The following LIMA1 variants were observed in gnomAD, a reference collection of about 807,000 sequenced individuals.
LIMA1 encodes the protein LIM domain and actin binding 1.
A neutral mutation model predicts 62.6 loss-of-function variants in LIMA1; 52 were observed. The observed-to-expected ratio is 0.83, with a 90% CI of 0.67 to 1.05. The LOEUF (loss-of-function observed/expected upper bound fraction) is 1.05, where lower values mean the gene tolerates loss of function less well. Among genes scored for constraint, LIMA1 ranks in the 50% least tolerant of loss-of-function variants. The pLI, the probability that LIMA1 is intolerant of heterozygous loss-of-function variation, is 0.00. For synonymous variants in LIMA1, 302 were observed against 317.8 expected, an observed-to-expected ratio of 0.95 and a Z score of 0.53; for missense variants, 780 against 902.2, an observed-to-expected ratio of 0.86 and a Z score of 1.74.
intron 4 of LIMA1, among the ~76,000 whole-genome samples, chr12:50,211,607 G>A (rs2138515020): frequency 6.6e-6 from 1 of 151,444 alleles, no homozygotes; most frequent in African/African-American, 2.4e-5. Flanking sequence ...ATTGTGCCCC[G>A]GCACTCCAGC....
intron 1 of LIMA1, among the ~76,000 whole-genome samples, chr12:50,274,232 T>C (rs934370565): frequency 2.6e-5 from 4 of 152,156 alleles, no homozygotes; most frequent in Non-Finnish European, 5.9e-5. Context: ...TCAACAAATA[T>C]TTATTTAGCA....
intron 3 of LIMA1, 127 bp downstream of exon 3, chr12:50,231,538 T>C: frequency 1.2e-6 from 1 of 849,478 alleles, no homozygotes; most frequent in Non-Finnish European, 2.0e-6. Context: ...GGCTCAGAGA[T>C]CACACCAGCT....
intron 4 of LIMA1, chr12:50,219,827 C>G (rs533719600): frequency 1.3e-5 from 2 of 151,804 alleles, no homozygotes; most frequent in Admixed American, 1.3e-4. Flanking sequence ...CTGGGACTAT[C>G]AATGCATACT....
intron 4 of LIMA1, among the ~76,000 whole-genome samples, chr12:50,209,413 T>C (rs1227354475): frequency 6.6e-6 from 1 of 151,586 alleles, no homozygotes; most frequent in Non-Finnish European, 1.5e-5. Context: ...CTACTAAATA[T>C]ACAAAAATTA....
At chr12:50,223,488 CAA>C (rs5798135) in intron 3 of LIMA1, among the ~76,000 whole-genome samples, 14 of 131,936 alleles carry the variant, frequency 1.1e-4, no homozygotes, top group Non-Finnish European at 1.3e-4. Context: ...ATCCCCCAAC[CAA>C]AAAAAAAAAA....
At chr12:50,219,053 G>C (rs185996901) in intron 4 of LIMA1, among the ~76,000 whole-genome samples, 20 of 152,268 alleles carry the variant, frequency 1.3e-4, no homozygotes, top group South Asian at 4.1e-4. Context: ...GTTAAAACGT[G>C]AAATATTAAG....
chr12:50,276,524 T>A (rs1373574702), intron 1 of LIMA1, among the ~76,000 whole-genome samples: 3 of 152,264 alleles, frequency 2.0e-5, no homozygotes, highest in African/African-American at 7.2e-5. Flanking sequence ...ATTTAACCAA[T>A]CTCTGGATGG....
intron 3 of LIMA1, among the ~76,000 whole-genome samples, chr12:50,230,700 C>T (rs984133854): frequency 6.6e-6 from 1 of 152,028 alleles, no homozygotes; most frequent in East Asian, 1.9e-4. Flanking sequence ...CCTCAGCCTC[C>T]CGAGTAGCTG....
At chr12:50,232,481 C>T (rs530704131) in intron 2 of LIMA1, among the ~76,000 whole-genome samples, 35 of 151,350 alleles carry the variant, frequency 2.3e-4, no homozygotes, top group African/African-American at 8.2e-4. Flanking sequence ...GTGATCCCAC[C>T]ACCTCATCCT....
At chr12:50,200,697 T>G in intron 7 of LIMA1, 80 bp downstream of exon 7, 2 of 1,448,344 alleles carry the variant, frequency 1.4e-6, no homozygotes, top group Non-Finnish European at 1.9e-6. Flanking sequence ...CAGCCTAGAG[T>G]TAGAGTTGTT....
chr12:50,250,108 G>C (rs926946911), intron 1 of LIMA1, among the ~76,000 whole-genome samples: 5 of 151,932 alleles, frequency 3.3e-5, no homozygotes, highest in African/African-American at 9.7e-5. Flanking sequence ...GGACCAGCCT[G>C]ACCAACATGG....
At position 50,200,888 on chromosome 12, in the gene LIMA1, C is replaced by A. The variant is rs768133057; in HGVS notation, c.865-4G>T. On this transcript the variant is annotated splice_region_variant and splice_polypyrimidine_tract_variant and intron_variant, in intron 6 of 10. Transcript: ENST00000341247. ...CACCACTGGCTTTCAGCTCATTCTACAAAATAAAAATAACTGTAAAAATTT... is the reference window on the plus strand; with the variant it reads ...CACCACTGGCTTTCAGCTCATTCTAAAAAATAAAAATAACTGTAAAAATTT... 6.2e-7 allele frequency: 1 copy of A among 1,611,956 alleles called. No individual in the cohort carries two copies. The highest frequency in any genetic ancestry group is 8.5e-7 in the Non-Finnish European group (1 of 1,179,468).
At chr12:50,212,843 C>A (rs778051694) in intron 4 of LIMA1, among the ~76,000 whole-genome samples, 18 of 151,918 alleles carry the variant, frequency 1.2e-4, no homozygotes, top group Non-Finnish European at 2.6e-4. Flanking sequence ...GAGACAAAGT[C>A]TTGCTCTGTC....
chr12:50,181,456 C>G (rs1247182855), intron 10 of LIMA1, among the ~76,000 whole-genome samples: 1 of 152,152 alleles, frequency 6.6e-6, no homozygotes, highest in African/African-American at 2.4e-5. Context: ...TATGTAACAA[C>G]TATTTTCTCA....
intron 3 of LIMA1, among the ~76,000 whole-genome samples, chr12:50,228,101 G>A (rs542750400): frequency 2.0e-5 from 3 of 151,916 alleles, no homozygotes; most frequent in Admixed American, 6.6e-5. Flanking sequence ...CTTGTGATCC[G>A]CCCGCCTCGG....
chr12:50,192,448 A>G lies in LIMA1; in HGVS notation c.1140+4T>C. ...AAAGGCTCAGAGAGAAATTGCCATC[A>G]TACCTTCATTGCTTTGGGAGGAGAA... On this transcript the variant is annotated splice_donor_region_variant and intron_variant, in intron 9 of 10. Transcript: ENST00000341247. The G allele has an allele frequency of 6.3e-7, 1 of 1,590,896 alleles. No homozygotes were observed. Among genetic ancestry groups the G allele is most frequent in the Non-Finnish European group, 8.6e-7 (1 of 1,158,840 alleles).
intron 2 of LIMA1, among the ~76,000 whole-genome samples, chr12:50,244,110 AT>A (rs1941815049): frequency 7.6e-6 from 1 of 131,902 alleles, no homozygotes. Flanking sequence ...TATTATTATT[AT>A]TTTTTGAGAC....
chr12:50,183,591 T>C (rs1477545419), intron 9 of LIMA1, among the ~76,000 whole-genome samples: 1 of 151,884 alleles, frequency 6.6e-6, no homozygotes, highest in Middle Eastern at 3.2e-3. Flanking sequence ...GGTAGGCAGA[T>C]CACGAGGTCA....
Position 50,244,185 on chromosome 12 carries a change from G to GC in LIMA1, c.119+4447dup, listed in dbSNP as rs957381236. Among the ~76,000 whole-genome samples the GC allele has an allele frequency of 6.6e-5, 10 of 152,010 alleles. No individual in the cohort carries two copies. The South Asian group carries it at 1.7e-3, about 25-fold the overall frequency. On this transcript the variant is annotated intron_variant, in intron 2 of 10. Coordinates refer to ENST00000341247, the MANE Select transcript of LIMA1 (RefSeq NM_016357.5). The stretch of plus-strand genomic sequence containing the variant: ...GTGATCTCGGCTCACTGCAACCTCC[G>GC]CCCCCCAGGTCCCAGTTAAGCAATT...
Sources: allele counts gnomAD v4.1 joint callset (sites outside exome capture counted in the v4.1 genomes callset), GRCh38; gene constraint gnomAD v4.1.1; transcripts MANE v1.5; gene names NCBI Gene and HGNC (gene_info 2026-07-23, HGNC 2026-07-21).